The following ANO3 variants were observed in gnomAD, a reference collection of about 807,000 sequenced individuals.
The protein encoded by ANO3 is anoctamin 3.
In ANO3, 99 loss-of-function variants were observed where a neutral mutation model predicts 144.8. The observed-to-expected ratio is 0.68, with a 90% CI of 0.58 to 0.81. The LOEUF (loss-of-function observed/expected upper bound fraction) is 0.81. Ranked by LOEUF, ANO3 falls within the 30% of genes least tolerant of loss-of-function variation. The pLI is 0.00. For synonymous variants in ANO3, 414 were observed against 392.6 expected, an observed-to-expected ratio of 1.05 and a Z score of -0.64; for missense variants, 905 against 1,202.2, an observed-to-expected ratio of 0.75 and a Z score of 3.66.
chr11:26,351,507 A>T (rs1449764551), intron 1 of ANO3, among the ~76,000 whole-genome samples: 1 of 152,242 alleles, frequency 6.6e-6, no homozygotes, highest in Admixed American at 6.5e-5. Flanking sequence ...TATTTAAAAA[A>T]GAAGCATTTT....
chr11:26,399,029 T>C (rs999861753), intron 1 of ANO3, among the ~76,000 whole-genome samples: 1 of 151,982 alleles, frequency 6.6e-6, no homozygotes, highest in Non-Finnish European at 1.5e-5. Flanking sequence ...GGAGGGAGTC[T>C]GAGGTATTTG....
At chr11:26,470,386 TGAGAGAGAGAGA>T (rs571143618) in intron 4 of ANO3, among the ~76,000 whole-genome samples, 1 of 134,772 alleles carries the variant, frequency 7.4e-6, no homozygotes. Flanking sequence ...CATTCCAACC[TGAGAGAGAGAGA>T]GAGAGGGAGA....
intron 1 of ANO3, among the ~76,000 whole-genome samples, chr11:26,194,448 G>A (rs968294998): frequency 7.3e-6 from 1 of 136,952 alleles, no homozygotes; most frequent in African/African-American, 2.8e-5. Flanking sequence ...TGGTGTGTGT[G>A]TGTGTGTGTG....
At chr11:26,396,422 G>C (rs1399567217) in intron 1 of ANO3, among the ~76,000 whole-genome samples, 2 of 152,120 alleles carry the variant, frequency 1.3e-5, no homozygotes, top group African/African-American at 4.8e-5. Flanking sequence ...AATAACATTT[G>C]ACCCAGCAGT....
intron 4 of ANO3, among the ~76,000 whole-genome samples, chr11:26,486,086 A>T (rs1860433915): frequency 6.6e-6 from 1 of 152,168 alleles, no homozygotes; most frequent in Non-Finnish European, 1.5e-5. Context: ...AATCACAGCC[A>T]GGCGCGATGG....
At chr11:26,475,067 C>G (rs1859910249) in intron 4 of ANO3, among the ~76,000 whole-genome samples, 1 of 151,228 alleles carries the variant, frequency 6.6e-6, no homozygotes, top group South Asian at 2.1e-4. Flanking sequence ...AACTAGAGAA[C>G]CTATGATTTA....
At chr11:26,613,540 G>A (rs1459306453) in intron 17 of ANO3, among the ~76,000 whole-genome samples, 1 of 152,080 alleles carries the variant, frequency 6.6e-6, no homozygotes, top group Non-Finnish European at 1.5e-5. Flanking sequence ...TTCTTTGGAG[G>A]TATCCTATTT....
intron 1 of ANO3, among the ~76,000 whole-genome samples, chr11:26,292,476 TGGA>T (rs1163537488): frequency 6.6e-6 from 1 of 152,182 alleles, no homozygotes; most frequent in Non-Finnish European, 1.5e-5. Context: ...TGCGATCCTT[TGGA>T]GGAGAAGAGG....
intron 1 of ANO3, among the ~76,000 whole-genome samples, chr11:26,339,074 TTACA>T (rs373306833): frequency 3.3e-4 from 51 of 152,304 alleles, no homozygotes; most frequent in African/African-American, 1.2e-3. Context: ...TTAAGATAAC[TTACA>T]TGCATTGCAA....
intron 24 of ANO3, among the ~76,000 whole-genome samples, chr11:26,650,305 A>G (rs534669467): frequency 6.6e-6 from 1 of 152,318 alleles, no homozygotes; most frequent in South Asian, 2.1e-4. Flanking sequence ...TTGTTCTAGT[A>G]TGGACAACGA....
At chr11:26,212,388 C>A (rs12803909) in intron 1 of ANO3, among the ~76,000 whole-genome samples, 1 of 147,770 alleles carries the variant, frequency 6.8e-6, no homozygotes, top group Non-Finnish European at 1.5e-5. Context: ...AGACTGCGAG[C>A]CAGAATAATA....
rs543507269 is a variant in ANO3, at chr11:26,338,651, C to T, written c.46+6330C>T. 5.3e-5 allele frequency among the ~76,000 whole-genome samples: 8 copies of T among 152,294 alleles called. No individual in the cohort carries two copies. The South Asian group carries it at 6.2e-4, about 12-fold the overall frequency. On this transcript the variant is annotated intron_variant, in intron 1 of 26. Coordinates refer to ENST00000256737, the MANE Select transcript of ANO3 (RefSeq NM_031418.4). ...CCTTTATGAACTGTAGCACTCACCG[C>T]GAGGGTCTCCAGCTTCATTCCTGAA...
rs763022085 is a variant in ANO3 at position 26,386,342 on chromosome 11, G to A, written c.46+54021G>A. On this transcript the variant is annotated intron_variant, in intron 1 of 26. Transcript: ENST00000256737. Reference sequence around the variant, plus strand: ...TTACGTTACAATGCTAAATGGTGATGAAAGATCACATTTTGGCATCCATCA... The same window carrying A: ...TTACGTTACAATGCTAAATGGTGATAAAAGATCACATTTTGGCATCCATCA... 2.6e-5 allele frequency among the ~76,000 whole-genome samples: 4 copies of A among 152,140 alleles called. No individual in the cohort carries two copies. In the East Asian group the frequency reaches 7.7e-4, roughly 29 times the overall value.
chr11:26,298,200 A>G (rs994524924), intron 1 of ANO3, among the ~76,000 whole-genome samples: 4 of 152,138 alleles, frequency 2.6e-5, no homozygotes, highest in African/African-American at 9.7e-5. Context: ...AGCTTGCCCA[A>G]ATTCCTTCCC....
intron 1 of ANO3, among the ~76,000 whole-genome samples, chr11:26,383,951 G>T (rs1167125687): frequency 7.5e-6 from 1 of 133,470 alleles, no homozygotes; most frequent in Non-Finnish European, 1.5e-5. Context: ...AGGCTGGAGT[G>T]CAGTGGTGCG....
At chr11:26,385,071 A>T (rs1485571029) in intron 1 of ANO3, among the ~76,000 whole-genome samples, 7 of 152,178 alleles carry the variant, frequency 4.6e-5, no homozygotes, top group Admixed American at 3.3e-4. Flanking sequence ...ACATGGTATT[A>T]ATATTCTTAG....
chr11:26,595,472 T>TTG (rs1565130643), intron 14 of ANO3, among the ~76,000 whole-genome samples: 2 of 135,404 alleles, frequency 1.5e-5, no homozygotes, highest in African/African-American at 2.7e-5. Flanking sequence ...TTTTTTTTTT[T>TTG]TTTTTTTTTT....
chr11:26,490,079 A>G (rs1168906113), intron 4 of ANO3, among the ~76,000 whole-genome samples: 1 of 152,136 alleles, frequency 6.6e-6, no homozygotes, highest in Non-Finnish European at 1.5e-5. Flanking sequence ...CTCAACTTGA[A>G]TTGTATCTCC....
chr11:26,651,482 C>T (rs1468087433), intron 24 of ANO3, among the ~76,000 whole-genome samples: 1 of 152,038 alleles, frequency 6.6e-6, no homozygotes, highest in Non-Finnish European at 1.5e-5. Context: ...AGAACCTAGC[C>T]GTCTTCTGTT....
Sources: gnomAD v4.1 joint callset for allele counts (sites outside exome capture counted in the v4.1 genomes callset) on GRCh38, gnomAD v4.1.1 for gene constraint, MANE v1.5 for transcripts, NCBI Gene and HGNC (gene_info 2026-07-23, HGNC 2026-07-21) for gene names.